Variants in CSMD1 observed in about 807,000 individuals in gnomAD.
CSMD1 encodes CUB and Sushi multiple domains 1.
A neutral mutation model predicts 417.5 loss-of-function variants in CSMD1; 213 were observed. That is an observed-to-expected ratio of 0.51 (90% CI 0.46 to 0.57). CSMD1 has a LOEUF of 0.57. Ranked by LOEUF, CSMD1 falls within the 20% of genes least tolerant of loss-of-function variation. CSMD1 has a pLI of 0.00. For synonymous variants in CSMD1, 2,862 were observed against 1,736.8 expected (o/e 1.65, Z -16.11); for missense variants, 6,923 against 4,529.7 (o/e 1.53, Z -15.17).
At chr8:4,257,864 G>A (rs141228753) in intron 3 of CSMD1, among the ~76,000 whole-genome samples, 10 of 152,302 alleles carry the variant, frequency 6.6e-5, no homozygotes, top group South Asian at 2.1e-4. Flanking sequence ...CAGCTACAGC[G>A]TACTGATTAT....
intron 3 of CSMD1, 121 bp downstream of exon 3, chr8:4,419,832 A>G (rs945983903): frequency 3.4e-5 from 22 of 645,404 alleles, no homozygotes; most frequent in Non-Finnish European, 5.5e-5. Context: ...CAGAAGCCAA[A>G]TGTCTACACC....
intron 3 of CSMD1, among the ~76,000 whole-genome samples, chr8:4,311,927 G>C (rs1486194964): frequency 2.6e-5 from 4 of 151,872 alleles, no homozygotes; most frequent in African/African-American, 7.3e-5. Context: ...ATTTACCTGT[G>C]TAACAAACCT....
intron 2 of CSMD1, among the ~76,000 whole-genome samples, chr8:4,538,080 T>C (rs1266398948): frequency 6.6e-6 from 1 of 152,148 alleles, no homozygotes; most frequent in African/African-American, 2.4e-5. Context: ...TCTGGAGACA[T>C]TTTCTTGCTA....
At chr8:4,803,769 G>A (rs910766295) in intron 1 of CSMD1, among the ~76,000 whole-genome samples, 2 of 151,998 alleles carry the variant, frequency 1.3e-5, no homozygotes, top group East Asian at 1.9e-4. Flanking sequence ...AACGTTATTG[G>A]TATTTATTTA....
chr8:4,449,935 G>C (rs560506838), intron 2 of CSMD1, among the ~76,000 whole-genome samples: 1 of 152,194 alleles, frequency 6.6e-6, no homozygotes, highest in Non-Finnish European at 1.5e-5. Flanking sequence ...ATACACAGAA[G>C]ATGCTCAATT....
intron 26 of CSMD1, among the ~76,000 whole-genome samples, chr8:3,238,219 C>A (rs1379885975): frequency 2.0e-5 from 3 of 151,744 alleles, no homozygotes; most frequent in African/African-American, 7.3e-5. Context: ...AGCAGGGGAG[C>A]TTTTGAGCCA....
At chr8:3,085,238 T>A (rs1454266533) in intron 49 of CSMD1, among the ~76,000 whole-genome samples, 1 of 152,202 alleles carries the variant, frequency 6.6e-6, no homozygotes, top group Non-Finnish European at 1.5e-5. Context: ...TCAACTGGAT[T>A]GTTTTTAAGA....
chr8:4,054,384 C>A (rs944793135), intron 3 of CSMD1, among the ~76,000 whole-genome samples: 2 of 152,100 alleles, frequency 1.3e-5, no homozygotes, highest in African/African-American at 4.8e-5. Flanking sequence ...TAGGGGATGG[C>A]CGCCCGAGCC....
chr8:4,917,553 G>C (rs1029972666), intron 1 of CSMD1, among the ~76,000 whole-genome samples: 1 of 152,200 alleles, frequency 6.6e-6, no homozygotes, highest in African/African-American at 2.4e-5. Flanking sequence ...AGAATCGCTT[G>C]AACCCAGGAA....
At chr8:3,876,867 C>G (rs1489819854) in intron 5 of CSMD1, among the ~76,000 whole-genome samples, 1 of 152,206 alleles carries the variant, frequency 6.6e-6, no homozygotes, top group Non-Finnish European at 1.5e-5. Flanking sequence ...CCGCCTTGGC[C>G]TCCCAAAATC....
chr8:3,752,655 T>C (rs1207801386), intron 6 of CSMD1, among the ~76,000 whole-genome samples: 4 of 120,028 alleles, frequency 3.3e-5, no homozygotes, highest in Non-Finnish European at 4.8e-5. Context: ...CTCTGTCCAC[T>C]GCCACCCACT....
At chr8:3,250,894 AC>A (rs1344556628) in intron 26 of CSMD1, among the ~76,000 whole-genome samples, 2 of 151,966 alleles carry the variant, frequency 1.3e-5, no homozygotes, top group African/African-American at 4.8e-5. Context: ...CCCCTCACCC[AC>A]TTGTTGATGG....
intron 3 of CSMD1, among the ~76,000 whole-genome samples, chr8:4,108,444 T>C (rs1801682886): frequency 6.6e-6 from 1 of 152,194 alleles, no homozygotes; most frequent in Admixed American, 6.5e-5. Flanking sequence ...CATCATTTGC[T>C]CATGAAGGGC....
intron 12 of CSMD1, among the ~76,000 whole-genome samples, chr8:3,415,851 T>A (rs893316527): frequency 6.6e-6 from 1 of 152,218 alleles, no homozygotes; most frequent in Non-Finnish European, 1.5e-5. Context: ...GGATCTATGT[T>A]GTTTAGAAAC....
At chr8:4,986,354 T>C (rs1369976367) in intron 1 of CSMD1, among the ~76,000 whole-genome samples, 1 of 152,094 alleles carries the variant, frequency 6.6e-6, no homozygotes, top group African/African-American at 2.4e-5. Context: ...TAGAAGAAAA[T>C]TACTCATTTG....
chr8:3,275,243 G>A (rs1346804518), intron 26 of CSMD1, among the ~76,000 whole-genome samples: 1 of 152,182 alleles, frequency 6.6e-6, no homozygotes, highest in Non-Finnish European at 1.5e-5. Flanking sequence ...CTTTAAGAAT[G>A]TTGAATATTG....
At chr8:4,856,886 G>T (rs1426056926) in intron 1 of CSMD1, among the ~76,000 whole-genome samples, 1 of 152,022 alleles carries the variant, frequency 6.6e-6, no homozygotes, top group East Asian at 1.9e-4. Context: ...GGATACCCAG[G>T]AATTGAACTC....
intron 1 of CSMD1, among the ~76,000 whole-genome samples, chr8:4,795,329 T>A (rs1987918): frequency 7.2e-6 from 1 of 138,706 alleles, no homozygotes; most frequent in African/African-American, 2.8e-5. Flanking sequence ...TGGAGTGCAG[T>A]GACACGATCT....
intron 30 of CSMD1, among the ~76,000 whole-genome samples, chr8:3,210,717 T>C (rs1018084598): frequency 6.7e-6 from 1 of 150,138 alleles, no homozygotes; most frequent in Non-Finnish European, 1.5e-5. Flanking sequence ...ATAAAGTGTA[T>C]ACATATATAC....
Sources: gnomAD v4.1 joint callset for allele counts (sites outside exome capture counted in the v4.1 genomes callset) on GRCh38, gnomAD v4.1.1 for gene constraint, MANE v1.5 for transcripts, NCBI Gene and HGNC (gene_info 2026-07-23, HGNC 2026-07-21) for gene names.